The following RNF215 variants were observed in gnomAD, a reference collection of about 807,000 sequenced individuals.
RNF215 encodes the protein ring finger protein 215.
A neutral mutation model predicts 44.8 loss-of-function variants in RNF215; 41 were observed. The observed-to-expected ratio is 0.92, with a 90% CI of 0.71 to 1.19. The LOEUF is 1.19. Among genes scored for constraint, RNF215 ranks in the 50% most tolerant of loss-of-function variants. The probability of loss-of-function intolerance (pLI) is 0.00; values close to 1 mark genes in which losing one functional copy is unlikely to be tolerated. For synonymous variants in RNF215, 218 were observed against 230.1 expected, an observed-to-expected ratio of 0.95 and a Z score of 0.48; for missense variants, 452 against 496.2, an observed-to-expected ratio of 0.91 and a Z score of 0.85.
At position 30,384,490 on chromosome 22, in the gene RNF215, G is replaced by A. The variant is rs1329019459; in HGVS notation, c.593C>T (p.Thr198Ile). The change falls in exon 5 of 9, where the codon ACC becomes ATC. Residue 198 changes from threonine to isoleucine, a missense_variant. Thr to Ile is a moderately conservative substitution (Grantham distance 89). Transcript: ENST00000382363. Reference protein sequence around the residue: ...TKLLDALLQRTQATAEITSGE... With the variant: ...TKLLDALLQRIQATAEITSGE... ...GCTGGTGATCTCAGCCGTGGCCTGGGTCCTCCTGGGAGGGGAAGTCACCGG... is the reference window on the plus strand; with the variant it reads ...GCTGGTGATCTCAGCCGTGGCCTGGATCCTCCTGGGAGGGGAAGTCACCGG... 6.2e-7 allele frequency: 1 copy of A among 1,613,452 alleles called. No individual in the cohort carries two copies.
intron 1 of RNF215, 64 bp from the exon 2 acceptor site, chr22:30,386,823 T>C: frequency 6.5e-7 from 1 of 1,549,986 alleles, no homozygotes; most frequent in Non-Finnish European, 8.7e-7. Flanking sequence ...GCCGGGGTCA[T>C]CACAGTGGAT....
chr22:30,384,552 AC>A, intron 4 of RNF215, 57 bp from the exon 5 acceptor site: 1 of 1,491,034 alleles, frequency 6.7e-7, no homozygotes, highest in Non-Finnish European at 9.2e-7. Flanking sequence ...GGAGGCCCAG[AC>A]CCACCCACCC....
intron 5 of RNF215, among the ~76,000 whole-genome samples, chr22:30,381,563 G>A (rs1291743784): frequency 6.6e-6 from 1 of 152,210 alleles, no homozygotes; most frequent in Non-Finnish European, 1.5e-5. Context: ...GTCTGTGGAT[G>A]TGTTAGGACT....
At chr22:30,379,884 C>A (rs1933499619) in intron 7 of RNF215, 71 bp from the exon 8 acceptor site, 8 of 1,515,814 alleles carry the variant, frequency 5.3e-6, no homozygotes, top group Non-Finnish European at 6.3e-6. Flanking sequence ...TGGTCCCATG[C>A]CCCTCGCCTC....
rs1405422778 is a variant in RNF215, at chr22:30,378,824, TG to T, written c.*775del. On this transcript the variant is annotated 3_prime_UTR_variant, in exon 9 of 9. Transcript: ENST00000382363. ...ACACCTATACACATTTTACATCTTATGTTAAAATATAGCCACGTTTATTTTA... is the reference window on the plus strand; with the variant it reads ...ACACCTATACACATTTTACATCTTATTTAAAATATAGCCACGTTTATTTTA... 7 of 149,574 alleles carry T rather than the reference TG, an allele frequency of 4.7e-5. No individual in the cohort carries two copies. The highest frequency in any genetic ancestry group is 1.5e-4 in the African/African-American group (6 of 40,378). 9.3% of individuals were successfully genotyped at this position (149,574 alleles called of 1,614,324 possible). A position where few individuals can be genotyped will look rare whatever the true frequency, so the allele number is the denominator to read the frequency against.
Position 30,380,394 on chromosome 22 carries a change from AGG to A in RNF215, c.750_751del (p.Leu251AlafsTer42). 1 of 1,604,524 alleles carries A rather than the reference AGG, an allele frequency of 6.2e-7. No individual in the cohort carries two copies. The highest frequency in any genetic ancestry group is 8.5e-7 in the Non-Finnish European group (1 of 1,174,466). ...CAGGATGGCGTTCCACAGCTGCTGCAGGGGTTTCTGGGGAGGGAAGCAGTCAT... is the reference window on the plus strand; with the variant it reads ...CAGGATGGCGTTCCACAGCTGCTGCAGGTTTCTGGGGAGGGAAGCAGTCAT... On this transcript the variant is annotated frameshift_variant, in exon 6 of 9. Transcript: ENST00000382363. LOFTEE classifies it high-confidence loss of function. This position sits in a 1 kb window ranked among gnomAD's most constrained non-coding sequence, Gnocchi z 5.3.
chr22:30,385,523 C>A (rs12106618), intron 4 of RNF215, among the ~76,000 whole-genome samples: 50,993 of 150,388 alleles, frequency 0.34, 8,754 homozygotes, highest in South Asian at 0.4. Flanking sequence ...ACGGGGGCTC[C>A]TGCCTGTAAT....
At position 30,379,633 on chromosome 22, in the gene RNF215, G is replaced by T; in HGVS notation, c.1112-11C>A. On this transcript the variant is annotated splice_polypyrimidine_tract_variant and intron_variant, in intron 8 of 8. Coordinates refer to ENST00000382363, the MANE Select transcript of RNF215 (RefSeq NM_001017981.2). ...CGGAGTAGCGGTTCCCTGCAGGGGA[G>T]GGGAAGAAGAACAGGGAGAGAGGCA... 6.4e-7 allele frequency: 1 copy of T among 1,551,742 alleles called. No homozygotes were observed. Among genetic ancestry groups the T allele is most frequent in the African/African-American group, 1.4e-5 (1 of 73,200 alleles).
chr22:30,384,907 G>A (rs1158644924), intron 4 of RNF215: 1 of 161,412 alleles, frequency 6.2e-6, no homozygotes, highest in Non-Finnish European at 1.4e-5. Flanking sequence ...TACCCCCGGG[G>A]CTCAAGTGAT....
rs1033404375 is a variant in RNF215, at chr22:30,379,733, T to C, written c.1089A>G (p.Pro363=). 3.2e-6 allele frequency: 5 copies of C among 1,562,082 alleles called. No individual in the cohort carries two copies. In the African/African-American group the frequency reaches 6.8e-5, roughly 21 times the overall value. Residue 363 remains proline (P), a synonymous_variant, in exon 8 of 9, where the codon CCA becomes CCG. Transcript: ENST00000382363. ...CACCCAGGACGTTGAATTTGCACAG[T>C]GGGCAGGTCTGCTGGAGCATCAGCC... The part of the protein sequence containing the change: ...DPWLMLQQTC[P]LCKFNVLGNR...
chr22:30,386,791 G>A (rs756183848), intron 1 of RNF215, 32 bp from the exon 2 acceptor site: 17 of 1,589,478 alleles, frequency 1.1e-5, no homozygotes, highest in Non-Finnish European at 1.4e-5. Flanking sequence ...GCAGAGGGAG[G>A]TAGGGTGTGG....
At chr22:30,386,988 A>G in intron 1 of RNF215, 41 bp downstream of exon 1, 1 of 1,533,400 alleles carries the variant, frequency 6.5e-7, no homozygotes, top group Non-Finnish European at 8.7e-7. Flanking sequence ...GGGTTGAGAG[A>G]GGGGTTTAGT....
At chr22:30,386,903 G>A (rs1307632494) in intron 1 of RNF215, 126 bp downstream of exon 1, 1 of 1,477,008 alleles carries the variant, frequency 6.8e-7, no homozygotes, top group Non-Finnish European at 9.0e-7. Flanking sequence ...GGCCTGGGGA[G>A]CCTGGGGAGG....
intron 5 of RNF215, among the ~76,000 whole-genome samples, chr22:30,382,281 G>A (rs1933539500): frequency 6.6e-6 from 1 of 152,040 alleles, no homozygotes; most frequent in African/African-American, 2.4e-5. Flanking sequence ...GTGCATGCCT[G>A]TAGTCCCGCT....
chr22:30,380,683 C>T lies in RNF215; in HGVS notation c.745-282G>A, dbSNP rs1933518298. Among the ~76,000 whole-genome samples, 1 of 152,138 alleles carries T rather than the reference C, an allele frequency of 6.6e-6. No homozygotes were observed. The highest frequency in any genetic ancestry group is 2.1e-4 in the South Asian group (1 of 4,838). ...GGCAACAAACCTGATGTTTTGCATA[C>T]ACAGAAGCTTCTATCTGGTAGCCTC... On this transcript the variant is annotated intron_variant, in intron 5 of 8. Transcript: ENST00000382363. This position sits in a 1 kb window ranked among gnomAD's most constrained non-coding sequence, Gnocchi z 5.3.
At position 30,386,657 on chromosome 22, in the gene RNF215, C is replaced by G; in HGVS notation, c.388G>C (p.Gly130Arg). 6.2e-7 allele frequency: 1 copy of G among 1,613,294 alleles called. No homozygotes were observed. The highest frequency in any genetic ancestry group is 8.5e-7 in the Non-Finnish European group (1 of 1,179,992). The change falls in exon 2 of 9, where the codon GGC becomes CGC. Residue 130 changes from glycine to arginine, a missense_variant. Gly to Arg is a moderately radical substitution (Grantham distance 125). Transcript: ENST00000382363. ...TTGGGATAGGCCTGCGGGCCACTGCCCTTATTCTCCTGGTGGAACTGGGCC... is the reference window on the plus strand; with the variant it reads ...TTGGGATAGGCCTGCGGGCCACTGCGCTTATTCTCCTGGTGGAACTGGGCC... Reference protein sequence around the residue: ...QAAQFHQENKGSGPQAYPKAL... With the variant: ...QAAQFHQENKRSGPQAYPKAL...
chr22:30,387,363 CG>C lies in RNF215; in HGVS notation c.-51del, dbSNP rs1023710938. The stretch of plus-strand genomic sequence containing the variant: ...ACAGTGGGGCCAGGGGTCCCGGGCG[CG>C]GGGGGGATCGGAGGGAGCGAGGCCG... On this transcript the variant is annotated 5_prime_UTR_variant, in exon 1 of 9. Coordinates refer to ENST00000382363, the MANE Select transcript of RNF215 (RefSeq NM_001017981.2). 7.0e-5 allele frequency: 71 copies of C among 1,014,130 alleles called. No individual in the cohort carries two copies. Among genetic ancestry groups the C allele is most frequent in the Middle Eastern group, 4.7e-4 (1 of 2,112 alleles). 62.8% of individuals were successfully genotyped at this position (1,014,130 alleles called of 1,614,324 possible). A position where few individuals can be genotyped will look rare whatever the true frequency, so the allele number is the denominator to read the frequency against.
chr22:30,386,160 C>T lies in RNF215; in HGVS notation c.430-19G>A, dbSNP rs538774629. 12 of 1,576,824 alleles carry T rather than the reference C, an allele frequency of 7.6e-6. No individual in the cohort carries two copies. Among genetic ancestry groups the T allele is most frequent in the East Asian group, 4.6e-5 (2 of 43,020 alleles). On this transcript the variant is annotated intron_variant, in intron 2 of 8. Coordinates refer to ENST00000382363, the MANE Select transcript of RNF215 (RefSeq NM_001017981.2). Reference sequence around the variant, plus strand: ...GCCGCATCTGCAGAGGGATAGAAGGCGAGAGGCTAGCATATACCCTGCCTG... The same window carrying T: ...GCCGCATCTGCAGAGGGATAGAAGGTGAGAGGCTAGCATATACCCTGCCTG...
At chr22:30,386,021 G>C (rs1382086361) in intron 3 of RNF215, 32 bp from the exon 4 acceptor site, 12 of 1,613,766 alleles carry the variant, frequency 7.4e-6, no homozygotes, top group Non-Finnish European at 1.0e-5. Flanking sequence ...AGCAGGCCTG[G>C]GTCCCCCTTT....
Sources: allele counts gnomAD v4.1 joint callset (sites outside exome capture counted in the v4.1 genomes callset), GRCh38; gene constraint gnomAD v4.1.1; non-coding constraint Gnocchi (gnomAD v3.1); transcripts MANE v1.5; gene names NCBI Gene and HGNC (gene_info 2026-07-23, HGNC 2026-07-21).